Variants in ZC3H18 observed in about 807,000 individuals in gnomAD.
ZC3H18 encodes zinc finger CCCH-type containing 18.
A neutral mutation model predicts 106.1 loss-of-function variants in ZC3H18; 8 were observed. The ratio of observed to expected loss-of-function variants is 0.08; its 90% CI spans 0.04 to 0.14. ZC3H18 has a LOEUF of 0.14. Ranked by LOEUF, ZC3H18 falls within the 10% of genes least tolerant of loss-of-function variation. ZC3H18 has a pLI of 1.00. For missense variants in ZC3H18, 1,318 were observed against 1,278.4 expected (o/e 1.03, Z -0.47); for synonymous variants, 635 against 522.1 (o/e 1.22, Z -2.95).
rs117948202 is a variant in ZC3H18 at position 88,578,930 on chromosome 16, C to T, written c.603+1204C>T. On this transcript the variant is annotated intron_variant, in intron 2 of 17. Coordinates refer to ENST00000301011, the MANE Select transcript of ZC3H18 (RefSeq NM_144604.4). ...TTCAAACTCCTGACCTCAGGTGATC[C>T]GGCCGTCTCAGCCTCCCACAGTGCT... is the stretch of plus-strand genomic sequence containing the variant. 1.8e-4 allele frequency among the ~76,000 whole-genome samples: 27 copies of T among 152,290 alleles called. No homozygotes were observed. In the East Asian group the frequency reaches 3.5e-3, roughly 20 times the overall value.
intron 1 of ZC3H18, among the ~76,000 whole-genome samples, chr16:88,573,003 C>T (rs1360098721): frequency 6.6e-6 from 1 of 152,012 alleles, no homozygotes; most frequent in Non-Finnish European, 1.5e-5. Flanking sequence ...GTGATCCTCC[C>T]GCTTCAGCCT....
chr16:88,596,098 G>A (rs1340773411), intron 3 of ZC3H18, among the ~76,000 whole-genome samples: 4 of 152,088 alleles, frequency 2.6e-5, no homozygotes, highest in Non-Finnish European at 4.4e-5. Flanking sequence ...GGTGGCTCCC[G>A]AGAGCTGAAC....
At chr16:88,597,225 T>G (rs982208058) in intron 3 of ZC3H18, among the ~76,000 whole-genome samples, 1 of 152,222 alleles carries the variant, frequency 6.6e-6, no homozygotes, top group Non-Finnish European at 1.5e-5. Context: ...CTTTTAGAAA[T>G]TTTAAAAATT....
At chr16:88,580,500 C>T (rs1915059765) in intron 2 of ZC3H18, among the ~76,000 whole-genome samples, 1 of 152,164 alleles carries the variant, frequency 6.6e-6, no homozygotes, top group African/African-American at 2.4e-5. Context: ...AGGTACGCGC[C>T]ACGCCATCCT....
At chr16:88,583,481 C>T (rs1292225584) in intron 2 of ZC3H18, among the ~76,000 whole-genome samples, 1 of 152,246 alleles carries the variant, frequency 6.6e-6, no homozygotes, top group Non-Finnish European at 1.5e-5. Context: ...CTTTGCAGAT[C>T]AGGTGACTTT....
intron 1 of ZC3H18, 39 bp from the exon 2 acceptor site, chr16:88,577,071 T>G: frequency 6.7e-7 from 1 of 1,497,368 alleles, no homozygotes; most frequent in Admixed American, 2.4e-5. Context: ...TGTTTTCCAT[T>G]TTGCTAAAGG....
At chr16:88,597,565 C>T (rs979777517) in intron 3 of ZC3H18, among the ~76,000 whole-genome samples, 1 of 152,160 alleles carries the variant, frequency 6.6e-6, no homozygotes, top group Non-Finnish European at 1.5e-5. Flanking sequence ...ACTTGAAAGT[C>T]GAGGTCTCCT....
At chr16:88,630,424 C>A in intron 16 of ZC3H18, 61 bp from the exon 17 acceptor site, 1 of 1,412,810 alleles carries the variant, frequency 7.1e-7, no homozygotes, top group Non-Finnish European at 9.9e-7. Flanking sequence ...TCGGTGAGGC[C>A]ACCCACACAG....
chr16:88,601,041 G>A (rs919211480), intron 6 of ZC3H18, among the ~76,000 whole-genome samples: 2 of 152,208 alleles, frequency 1.3e-5, no homozygotes, highest in African/African-American at 2.4e-5. Context: ...TGGTCCTGTC[G>A]ACTTGGCCCT....
At chr16:88,576,091 G>C (rs1014587441) in intron 1 of ZC3H18, among the ~76,000 whole-genome samples, 1 of 152,104 alleles carries the variant, frequency 6.6e-6, no homozygotes, top group Non-Finnish European at 1.5e-5. Flanking sequence ...TCATAGAGAC[G>C]GGGTTTCACC....
At chr16:88,614,329 C>T (rs767561620) in intron 8 of ZC3H18, among the ~76,000 whole-genome samples, 32 of 152,262 alleles carry the variant, frequency 2.1e-4, no homozygotes, top group Non-Finnish European at 4.4e-4. Flanking sequence ...ATTTGCTTTC[C>T]ACCACGGGAC....
chr16:88,622,045 G>A, intron 8 of ZC3H18, 152 bp from the exon 9 acceptor site: 2 of 868,718 alleles, frequency 2.3e-6, no homozygotes, highest in Non-Finnish European at 3.4e-6. Flanking sequence ...GGTTTTGTGA[G>A]TGGCCTTTTT....
intron 16 of ZC3H18, among the ~76,000 whole-genome samples, chr16:88,629,728 C>G (rs935442846): frequency 6.6e-6 from 1 of 152,202 alleles, no homozygotes; most frequent in African/African-American, 2.4e-5. Context: ...GACCACACCC[C>G]AAGAGCTGGG....
At chr16:88,603,629 T>G (rs1904861039) in intron 6 of ZC3H18, among the ~76,000 whole-genome samples, 1 of 148,610 alleles carries the variant, frequency 6.7e-6, no homozygotes, top group South Asian at 2.2e-4. Context: ...GTCTCTTTTT[T>G]TTTTTTTTTT....
At chr16:88,616,879 A>G (rs535389971) in intron 8 of ZC3H18, among the ~76,000 whole-genome samples, 1 of 152,232 alleles carries the variant, frequency 6.6e-6, no homozygotes, top group South Asian at 2.1e-4. Flanking sequence ...TGGGGGCTAC[A>G]CCCTAGTGAA....
chr16:88,602,058 A>G (rs756085331), intron 6 of ZC3H18, among the ~76,000 whole-genome samples: 1 of 152,220 alleles, frequency 6.6e-6, no homozygotes, highest in Non-Finnish European at 1.5e-5. Flanking sequence ...CCCGGAGGGA[A>G]GGAAGGAGCT....
At chr16:88,628,264 C>A in intron 15 of ZC3H18, 145 bp downstream of exon 15, 1 of 959,224 alleles carries the variant, frequency 1.0e-6, no homozygotes, top group Non-Finnish European at 1.5e-6. Flanking sequence ...GGTAACAAAG[C>A]GAGACTCCAT....
chr16:88,604,560 C>T (rs2142714747), intron 6 of ZC3H18, among the ~76,000 whole-genome samples: 1 of 152,030 alleles, frequency 6.6e-6, no homozygotes, highest in African/African-American at 2.4e-5. Flanking sequence ...GTGGCGGACA[C>T]CTGTAGTCCC....
At chr16:88,619,989 T>C (rs1219352885) in intron 8 of ZC3H18, among the ~76,000 whole-genome samples, 4 of 152,170 alleles carry the variant, frequency 2.6e-5, no homozygotes, top group African/African-American at 9.7e-5. Flanking sequence ...GACACCCAGA[T>C]GTGGCAATAG....
Sources: allele counts gnomAD v4.1 joint callset (sites outside exome capture counted in the v4.1 genomes callset), GRCh38; gene constraint gnomAD v4.1.1; transcripts MANE v1.5; gene names NCBI Gene and HGNC (gene_info 2026-07-23, HGNC 2026-07-21).